Variants in FAT1 observed in about 807,000 individuals in gnomAD.
The protein encoded by FAT1 is protocadherin Fat 1.
In FAT1, 171 loss-of-function variants were observed where a neutral mutation model predicts 329.8. That is an observed-to-expected ratio of 0.52 (90% confidence interval 0.46 to 0.59). The LOEUF (loss-of-function observed/expected upper bound fraction) is 0.59. FAT1 is among the 20% of genes least tolerant of loss of function. FAT1 has a pLI of 0.00. For missense variants in FAT1, 5,672 were observed against 5,774.4 expected (o/e 0.98, Z 0.57); for synonymous variants, 2,233 against 2,228.6 (o/e 1.00, Z -0.06).
chr4:186,687,811 C>G (rs1743546117), intron 2 of FAT1, among the ~76,000 whole-genome samples: 1 of 152,134 alleles, frequency 6.6e-6, no homozygotes, highest in Non-Finnish European at 1.5e-5. Flanking sequence ...AGAAAATGTT[C>G]TGGATATAGC....
chr4:186,722,411 TTAGC>T (rs1161980023), intron 1 of FAT1, among the ~76,000 whole-genome samples: 22 of 152,266 alleles, frequency 1.4e-4, no homozygotes. Context: ...AATGCCATGT[TTAGC>T]ATCACTCAAG....
chr4:186,640,370 TATAC>T (rs1265092299), intron 3 of FAT1, among the ~76,000 whole-genome samples: 1 of 152,224 alleles, frequency 6.6e-6, no homozygotes, highest in Non-Finnish European at 1.5e-5. Flanking sequence ...GTGGTTTCAA[TATAC>T]ATTTTGTCAG....
In FAT1 at chr4:186,618,748, G is replaced by A. The variant is rs2126498532; in HGVS notation, c.7838C>T (p.Thr2613Ile). ...ACTTGCAAGAACTTTAACGACTGAAGTCCCTTTAGCAGCACTGGACCCGAT... is the reference window on the plus strand; with the variant it reads ...ACTTGCAAGAACTTTAACGACTGAAATCCCTTTAGCAGCACTGGACCCGAT... ...VNIGSSAAKG[T>I]SVVKVLASDA... Residue 2613 changes from threonine (T) to isoleucine (I), a missense_variant, in exon 10 of 27, where the codon ACT (threonine) becomes ATT (isoleucine). Physicochemically the swap from Thr to Ile is moderately conservative, Grantham distance 89. This residue lies in a region of FAT1 where 3,966 missense variants were observed against 3,915.2 expected (regional missense o/e 1.01). Transcript: ENST00000441802. 2.5e-6 allele frequency: 4 copies of A among 1,614,004 alleles called. No homozygotes were observed. The highest frequency in any genetic ancestry group is 2.5e-6 in the Non-Finnish European group (3 of 1,179,900).
At chr4:186,630,164 A>C (rs1012066018) in intron 7 of FAT1, among the ~76,000 whole-genome samples, 5 of 152,350 alleles carry the variant, frequency 3.3e-5, no homozygotes, top group Middle Eastern at 3.4e-3. Flanking sequence ...CTTACCAGGC[A>C]ATGTTCTGCA....
chr4:186,655,195 T>C (rs1442586951), intron 3 of FAT1, among the ~76,000 whole-genome samples: 5 of 152,196 alleles, frequency 3.3e-5, no homozygotes, highest in African/African-American at 4.8e-5. Context: ...CATACATATA[T>C]AGTCAAAGAG....
intron 2 of FAT1, among the ~76,000 whole-genome samples, chr4:186,676,329 G>A (rs1250073018): frequency 6.6e-6 from 1 of 151,314 alleles, no homozygotes; most frequent in Non-Finnish European, 1.5e-5. Context: ...AAGAAAAATG[G>A]CGAGTTATAC....
chr4:186,636,377 C>T (rs1740816636), intron 5 of FAT1, 142 bp from the exon 6 acceptor site: 2 of 878,672 alleles, frequency 2.3e-6, no homozygotes, highest in Non-Finnish European at 1.7e-6. Context: ...GAATGCCTGA[C>T]AGAAGAACAA....
Position 186,617,790 on chromosome 4 carries a change from G to T in FAT1, c.8796C>A (p.Pro2932=), listed in dbSNP as rs1739785273. ...TTAAGATGGCAATCACCCCACCTTG[G>T]GGGTCATCCTCACTCACAGTCCCTT... ...IYKGTVSEDD[P]QGGVIAILST... The change falls in exon 10 of 27, where the codon CCC becomes CCA. Residue 2932 remains proline, a synonymous_variant. Transcript: ENST00000441802. The T allele has an allele frequency of 6.2e-7, 1 of 1,613,864 alleles. No individual in the cohort carries two copies. The highest frequency in any genetic ancestry group is 1.1e-5 in the South Asian group (1 of 91,056).
Position 186,596,933 on chromosome 4 carries a change from G to C in FAT1, c.12607C>G (p.Arg4203Gly), listed in dbSNP as rs767899323. ...FLLVVVFVLC[R>G]KMISRKKKHQ... ...TTCTTTTTCCGACTAATCATCTTACGGCAGAGAACAAACACCACCACCAGT... is the reference window on the plus strand; with the variant it reads ...TTCTTTTTCCGACTAATCATCTTACCGCAGAGAACAAACACCACCACCAGT... Residue 4203 changes from arginine (R) to glycine (G), a missense_variant, in exon 25 of 27, where the codon CGT becomes GGT. Arg to Gly is a moderately radical substitution (Grantham distance 125). Around this residue, in one of 2 missense-constraint regions of FAT1, gnomAD observed 1,706 missense variants for 1,859.1 expected, o/e 0.92. Transcript: ENST00000441802. The surrounding 1 kb of genome is among the most constrained non-coding windows in gnomAD (Gnocchi z 4.7). 1.9e-6 allele frequency: 3 copies of C among 1,613,724 alleles called. No homozygotes were observed. The highest frequency in any genetic ancestry group is 1.6e-4 in the Middle Eastern group (1 of 6,084).
chr4:186,667,198 G>A (rs928345608), intron 2 of FAT1, among the ~76,000 whole-genome samples: 15 of 152,306 alleles, frequency 9.8e-5, no homozygotes, highest in African/African-American at 2.9e-4. Flanking sequence ...CTTATTTCTA[G>A]TTCGGGCCGT....
At chr4:186,725,147 C>A (rs1364207181), upstream of FAT1, among the ~76,000 whole-genome samples, 1 of 152,076 alleles carries the variant, frequency 6.6e-6, no homozygotes, top group Non-Finnish European at 1.5e-5. This position sits in a 1 kb window ranked among gnomAD's most constrained non-coding sequence, Gnocchi z 5.4. Context: ...CATCCAAAGA[C>A]GTGTTTGTCC....
rs1744765933 is a variant in FAT1, at chr4:186,708,492, A to T, written c.1336T>A (p.Ser446Thr). The T allele has an allele frequency of 6.2e-7, 1 of 1,613,772 alleles. No homozygotes were observed. Among genetic ancestry groups the T allele is most frequent in the Non-Finnish European group, 8.5e-7 (1 of 1,179,888 alleles). Residue 446 changes from serine (S) to threonine (T), a missense_variant, in exon 2 of 27, where the codon TCC becomes ACC. By Grantham distance (58) the Ser-to-Thr change is moderately conservative. This residue lies in a region of FAT1 where 3,966 missense variants were observed against 3,915.2 expected (regional missense o/e 1.01). Coordinates refer to ENST00000441802, the MANE Select transcript of FAT1 (RefSeq NM_005245.4). The part of the protein sequence containing the change: ...LEVTTSDRKA[S>T]TKVLVKVLGA... ...AAGACTTTCACCAAGACCTTGGTGG[A>T]CGCTTTTCTGTCACTTGTTGTTACT...
At chr4:186,630,578 C>T (rs1412131202) in intron 7 of FAT1, among the ~76,000 whole-genome samples, 2 of 152,098 alleles carry the variant, frequency 1.3e-5, no homozygotes, top group East Asian at 3.9e-4. Flanking sequence ...GACAAGAGCC[C>T]AAACCAGTGC....
At chr4:186,712,729 C>T (rs546143568) in intron 1 of FAT1, among the ~76,000 whole-genome samples, 1 of 138,172 alleles carries the variant, frequency 7.2e-6, no homozygotes, top group East Asian at 2.2e-4. Context: ...TTTGGGGAAA[C>T]GTAGAGTGTT....
intron 26 of FAT1, among the ~76,000 whole-genome samples, chr4:186,593,851 A>G (rs955219480): frequency 2.0e-5 from 3 of 152,182 alleles, no homozygotes; most frequent in African/African-American, 7.2e-5. Context: ...ACATTGTTTT[A>G]GGCCACAAAG....
intron 2 of FAT1, among the ~76,000 whole-genome samples, chr4:186,701,164 T>C (rs1321684016): frequency 6.6e-6 from 1 of 152,198 alleles, no homozygotes; most frequent in Non-Finnish European, 1.5e-5. Context: ...TTGTTTTTAG[T>C]AAGAAAATGG....
intron 1 of FAT1, among the ~76,000 whole-genome samples, chr4:186,714,263 G>A (rs1027553866): frequency 4.9e-5 from 3 of 60,882 alleles, no homozygotes; most frequent in Non-Finnish European, 8.0e-5. Context: ...TTTCAAGGTT[G>A]CCTGATGCTG....
chr4:186,633,740 A>C lies in FAT1; in HGVS notation c.4267T>G (p.Ser1423Ala), dbSNP rs759203883. The change falls in exon 7 of 27, where the codon TCA becomes GCA. Residue 1423 changes from serine to alanine, a missense_variant. Ser to Ala is a moderately conservative substitution (Grantham distance 99). Around this residue, in one of 2 missense-constraint regions of FAT1, gnomAD observed 3,966 missense variants for 3,915.2 expected, o/e 1.01. Transcript: ENST00000441802. ...GCCTCGACTGTGAGGTTGTAGTTTG[A>C]CTTCTGTTCTGCATCAAGAGGTTTG... ...VAKPLDAEQK[S>A]NYNLTVEATD... 6.2e-7 allele frequency: 1 copy of C among 1,613,850 alleles called. No homozygotes were observed. Among genetic ancestry groups the C allele is most frequent in the Non-Finnish European group, 8.5e-7 (1 of 1,179,852 alleles).
intron 2 of FAT1, among the ~76,000 whole-genome samples, chr4:186,702,256 A>G (rs1008677642): frequency 6.6e-6 from 1 of 152,230 alleles, no homozygotes; most frequent in Non-Finnish European, 1.5e-5. Context: ...CTGTACTTCC[A>G]TATTAATTCA....
Sources: allele counts gnomAD v4.1 joint callset (sites outside exome capture counted in the v4.1 genomes callset), GRCh38; gene constraint gnomAD v4.1.1; regional missense constraint gnomAD v4.1.1; non-coding constraint Gnocchi (gnomAD v3.1); transcripts MANE v1.5; gene names NCBI Gene and HGNC (gene_info 2026-07-23, HGNC 2026-07-21).